Variants in PHLDB2 observed in about 807,000 individuals in gnomAD.
PHLDB2 encodes the protein pleckstrin homology like domain family B member 2.
PHLDB2 carries 71 observed loss-of-function variants against 123.6 expected under a neutral mutation model. The observed-to-expected ratio is 0.57, with a 90% CI of 0.47 to 0.70. PHLDB2 has a LOEUF of 0.70. Ranked by LOEUF, PHLDB2 falls within the 30% of genes least tolerant of loss-of-function variation. The pLI is 0.00. For missense variants in PHLDB2, 1,446 were observed against 1,519.5 expected (o/e 0.95, Z 0.80); for synonymous variants, 547 against 541.6 (o/e 1.01, Z -0.14).
intron 1 of PHLDB2, among the ~76,000 whole-genome samples, chr3:111,791,578 G>A (rs1324487431): frequency 1.3e-5 from 2 of 152,196 alleles, no homozygotes; most frequent in Non-Finnish European, 2.9e-5. Context: ...TATAAGCAAT[G>A]CTGTGGATCT....
At chr3:111,790,840 A>G (rs1178925704) in intron 1 of PHLDB2, among the ~76,000 whole-genome samples, 1 of 152,240 alleles carries the variant, frequency 6.6e-6, no homozygotes, top group African/African-American at 2.4e-5. Flanking sequence ...AGTAAATTAA[A>G]AAATTAAACA....
chr3:111,834,244 A>ATAT (rs1559858365), intron 1 of PHLDB2, among the ~76,000 whole-genome samples: 15 of 87,070 alleles, frequency 1.7e-4, no homozygotes, highest in African/African-American at 1.3e-3. Context: ...TATATAATAG[A>ATAT]ATTATATATA....
Position 111,973,638 on chromosome 3 carries a change from T to G in PHLDB2, c.3536-94T>G, listed in dbSNP as rs1031410249. ...TTAATCTTAGATAAATTAAATACTT[T>G]GTAAATATTTTAATGATTATAATTG... On this transcript the variant is annotated intron_variant, in intron 16 of 17. Transcript: ENST00000431670. 3 of 683,286 alleles carry G rather than the reference T, an allele frequency of 4.4e-6. 1 individual carries two copies. The Middle Eastern group carries it at 1.3e-3, about 290-fold the overall frequency. The allele number at this position is 683,286 out of a possible 1,614,324, so 42.3% of individuals were successfully genotyped here.
At chr3:111,942,763 G>T (rs999573846) in intron 8 of PHLDB2, among the ~76,000 whole-genome samples, 1 of 151,402 alleles carries the variant, frequency 6.6e-6, no homozygotes, top group African/African-American at 2.4e-5. Context: ...GTTGCTGACT[G>T]TCAGTTCAAG....
chr3:111,826,128 C>A (rs760870016), intron 1 of PHLDB2, among the ~76,000 whole-genome samples: 3 of 151,614 alleles, frequency 2.0e-5, no homozygotes, highest in African/African-American at 2.4e-5. Flanking sequence ...ATGGTGAAAC[C>A]CCATCTCTAC....
At chr3:111,873,555 C>T (rs1236754519) in intron 1 of PHLDB2, among the ~76,000 whole-genome samples, 4 of 152,158 alleles carry the variant, frequency 2.6e-5, no homozygotes. Context: ...GTATTAAACC[C>T]TTCAATTCTT....
chr3:111,803,535 C>G (rs551880091), intron 1 of PHLDB2, among the ~76,000 whole-genome samples: 26 of 152,114 alleles, frequency 1.7e-4, no homozygotes, highest in Non-Finnish European at 3.4e-4. Flanking sequence ...CTGACTCAGG[C>G]ATTTGAGTCA....
chr3:111,733,131 C>T (rs187753526), intron 1 of PHLDB2, among the ~76,000 whole-genome samples: 159 of 152,090 alleles, frequency 1.0e-3, no homozygotes, highest in East Asian at 1.4e-3. Context: ...TAATATATTC[C>T]GAGAAATATA....
intron 1 of PHLDB2, among the ~76,000 whole-genome samples, chr3:111,838,709 C>T (rs909606017): frequency 6.6e-6 from 1 of 152,004 alleles, no homozygotes; most frequent in African/African-American, 2.4e-5. Context: ...TTTTTTAAAA[C>T]TTGCTTAGAA....
intron 1 of PHLDB2, among the ~76,000 whole-genome samples, chr3:111,753,530 T>G (rs1283507214): frequency 6.6e-6 from 1 of 151,390 alleles, no homozygotes; most frequent in Non-Finnish European, 1.5e-5. Context: ...TTTGAGTTCA[T>G]TGTAGATTCT....
In PHLDB2 at chr3:111,780,315, G is replaced by GAGGAAGAAGAGGAA. The variant is rs754733203; in HGVS notation, c.-49+47612_-49+47613insAGGAAGAAGAGGAA. ...AAGAAGAGGAAGAGGAAGAGGAAGAGGAAGAGGAAGAAGAAGAAGAAGAAG... is the reference window on the plus strand; with the variant it reads ...AAGAAGAGGAAGAGGAAGAGGAAGAGAGGAAGAAGAGGAAGAAGAGGAAGAAGAAGAAGAAGAAG... On this transcript the variant is annotated intron_variant, in intron 1 of 17. Coordinates refer to the PHLDB2 transcript ENST00000393923. Among the ~76,000 whole-genome samples the GAGGAAGAAGAGGAA allele has an allele frequency of 6.7e-3, 33 of 4,954 alleles. 7 individuals are homozygous for GAGGAAGAAGAGGAA. Among genetic ancestry groups the GAGGAAGAAGAGGAA allele is most frequent in the Non-Finnish European group, 0.013 (23 of 1,762 alleles). The allele number at this position is 4,954 out of a possible 152,430, so 3.3% of individuals were successfully genotyped here.
In PHLDB2 at chr3:111,975,400, G is replaced by T. The variant is rs1329443268; in HGVS notation, c.*837G>T. 1 of 152,200 alleles carries T rather than the reference G, an allele frequency of 6.6e-6. No homozygotes were observed. The highest frequency in any genetic ancestry group is 1.5e-5 in the Non-Finnish European group (1 of 68,038). The allele number at this position is 152,200 out of a possible 1,614,324, so 9.4% of individuals were successfully genotyped here. A position where few individuals can be genotyped will look rare whatever the true frequency, so the allele number is the denominator to read the frequency against. On this transcript the variant is annotated 3_prime_UTR_variant, in exon 18 of 18. Coordinates refer to ENST00000431670, the MANE Select transcript of PHLDB2 (RefSeq NM_001134438.2). ...TCTGGTGTTAGGAGCTTGTTTTGCT[G>T]AAGATTTCTCCATTCCTGGTGCTGA...
chr3:111,736,297 A>G (rs1055245861), intron 1 of PHLDB2, among the ~76,000 whole-genome samples: 5 of 152,200 alleles, frequency 3.3e-5, no homozygotes, highest in African/African-American at 9.6e-5. Flanking sequence ...CAAATTTGTC[A>G]TTTATTTTAC....
chr3:111,887,769 G>T (rs1251206519), intron 2 of PHLDB2, among the ~76,000 whole-genome samples: 3 of 152,016 alleles, frequency 2.0e-5, no homozygotes, highest in Non-Finnish European at 2.9e-5. Flanking sequence ...GTTTCATGAA[G>T]TCATCTATTT....
Position 111,780,271 on chromosome 3 carries a change from A to AAAGAAGAAG in PHLDB2, c.-49+47585_-49+47593dup, listed in dbSNP as rs1553726675. Among the ~76,000 whole-genome samples, 15 of 7,788 alleles carry AAAGAAGAAG rather than the reference A, an allele frequency of 1.9e-3. 4 individuals are homozygous for AAAGAAGAAG. The highest frequency in any genetic ancestry group is 6.1e-3 in the African/African-American group (15 of 2,446). The allele number at this position is 7,788 out of a possible 152,430, so 5.1% of individuals were successfully genotyped here. On this transcript the variant is annotated intron_variant, in intron 1 of 17. Coordinates refer to the PHLDB2 transcript ENST00000393923. ...CTCCTGATTTAAAAGAAGAAGAAGAAAAGAAGAAGAAGAAGAAGAAGAAGA... is the reference window on the plus strand; with the variant it reads ...CTCCTGATTTAAAAGAAGAAGAAGAAAAGAAGAAGAAGAAGAAGAAGAAGAAGAAGAAGA...
At chr3:111,846,386 G>T in intron 2 of PHLDB2, 1 of 159,718 alleles carries the variant, frequency 6.3e-6, no homozygotes, top group Non-Finnish European at 1.4e-5. Flanking sequence ...TGTGGTTCTG[G>T]ATGAAATCTT....
rs2072437790 is a variant in PHLDB2, at chr3:111,974,454, A to G, written c.3653A>G (p.Lys1218Arg). Residue 1218 changes from lysine (K) to arginine (R), a missense_variant, in exon 18 of 18, where the codon AAG becomes AGG. Around this residue, in one of 3 missense-constraint regions of PHLDB2, gnomAD observed 594 missense variants for 646.0 expected, o/e 0.92. Transcript: ENST00000431670. The part of the protein sequence containing the change: ...SPNPLLTFSV[K>R]THDRIYYMVA... ...AATCCGTTACTCACCTTTAGCGTCA[A>G]GACTCATGACAGAATCTATTATATG... is the stretch of plus-strand genomic sequence containing the variant. 1 of 1,612,828 alleles carries G rather than the reference A, an allele frequency of 6.2e-7. No homozygotes were observed. The highest frequency in any genetic ancestry group is 1.3e-5 in the African/African-American group (1 of 74,968).
At chr3:111,830,955 G>GGA (rs2062948054) in intron 1 of PHLDB2, among the ~76,000 whole-genome samples, 1 of 63,678 alleles carries the variant, frequency 1.6e-5, no homozygotes, top group African/African-American at 7.4e-5. Flanking sequence ...AAGAAAGAAA[G>GGA]AGAAAGAAAG....
chr3:111,734,720 T>G (rs975817993), intron 1 of PHLDB2, among the ~76,000 whole-genome samples: 3 of 152,210 alleles, frequency 2.0e-5, no homozygotes, highest in African/African-American at 4.8e-5. Flanking sequence ...ATGCAATTAG[T>G]CTGAGCCAGG....
Sources: allele counts gnomAD v4.1 joint callset (sites outside exome capture counted in the v4.1 genomes callset), GRCh38; gene constraint gnomAD v4.1.1; regional missense constraint gnomAD v4.1.1; transcripts MANE v1.5; gene names NCBI Gene and HGNC (gene_info 2026-07-23, HGNC 2026-07-21).